Variants in FRMD5 observed in about 807,000 individuals in gnomAD.
The protein encoded by FRMD5 is FERM domain-containing protein 5.
In FRMD5, 20 loss-of-function variants were observed where a neutral mutation model predicts 69.0. That is an observed-to-expected ratio of 0.29 (90% CI 0.20 to 0.42). The LOEUF (loss-of-function observed/expected upper bound fraction) is 0.42. Among genes scored for constraint, FRMD5 ranks in the 10% least tolerant of loss-of-function variants. The probability of loss-of-function intolerance (pLI) is 1.00; values close to 1 mark genes in which losing one functional copy is unlikely to be tolerated. For missense variants in FRMD5, 595 were observed against 708.6 expected, an observed-to-expected ratio of 0.84 and a Z score of 1.82; for synonymous variants, 271 against 260.1, an observed-to-expected ratio of 1.04 and a Z score of -0.40.
chr15:44,050,347 A>G (rs1461226842), intron 1 of FRMD5, among the ~76,000 whole-genome samples: 1 of 152,038 alleles, frequency 6.6e-6, no homozygotes, highest in African/African-American at 2.4e-5. Context: ...TCTGATAACT[A>G]AAGAGTATTT....
Position 44,098,801 on chromosome 15 carries a change from C to G in FRMD5, c.102+96152G>C, listed in dbSNP as rs138790477. Among the ~76,000 whole-genome samples, 8 of 151,104 alleles carry G rather than the reference C, an allele frequency of 5.3e-5. No homozygotes were observed. In the East Asian group the frequency reaches 1.6e-3, roughly 30 times the overall value. On this transcript the variant is annotated intron_variant, in intron 1 of 13. Coordinates refer to ENST00000417257, the MANE Select transcript of FRMD5 (RefSeq NM_032892.5). ...AACTTCATATATTAGAATAATTAGA[C>G]AAAGTCACCTTTTTCCAACATCTAC... is the stretch of plus-strand genomic sequence containing the variant.
chr15:44,150,046 TGGAG>T (rs1345502527), intron 1 of FRMD5, among the ~76,000 whole-genome samples: 3 of 151,802 alleles, frequency 2.0e-5, no homozygotes, highest in African/African-American at 7.3e-5. Flanking sequence ...ACTAACAGAA[TGGAG>T]GAAGGAAAAA....
intron 13 of FRMD5, among the ~76,000 whole-genome samples, chr15:43,878,513 C>G (rs1291726971): frequency 2.0e-5 from 3 of 152,234 alleles, no homozygotes; most frequent in African/African-American, 7.2e-5. Flanking sequence ...TCTGATCTCT[C>G]TTCCACAGTA....
intron 1 of FRMD5, among the ~76,000 whole-genome samples, chr15:43,975,250 T>G (rs1007599834): frequency 2.0e-5 from 3 of 152,068 alleles, no homozygotes; most frequent in East Asian, 3.8e-4. Context: ...GTAGGAGAGA[T>G]AAAACTAACA....
upstream of FRMD5, among the ~76,000 whole-genome samples, chr15:44,196,079 C>A (rs1427439341): frequency 6.6e-6 from 1 of 152,070 alleles, no homozygotes; most frequent in African/African-American, 2.4e-5. Flanking sequence ...TCTTTGTCAC[C>A]CCAAATTTAC....
intron 1 of FRMD5, among the ~76,000 whole-genome samples, chr15:44,151,873 G>C (rs1337536043): frequency 6.6e-6 from 1 of 152,136 alleles, no homozygotes; most frequent in African/African-American, 2.4e-5. Context: ...GGAATATATA[G>C]TAAACTCCTA....
intron 1 of FRMD5, among the ~76,000 whole-genome samples, chr15:44,074,896 G>A (rs1339492047): frequency 1.3e-5 from 2 of 152,096 alleles, no homozygotes; most frequent in African/African-American, 4.8e-5. Flanking sequence ...GCATTTCTTA[G>A]GTCTGCATTT....
rs199670344 is a variant in FRMD5 at position 43,891,961 on chromosome 15, T to C, written c.728+20A>G. 1 of 1,604,664 alleles carries C rather than the reference T, an allele frequency of 6.2e-7. No individual in the cohort carries two copies. Among genetic ancestry groups the C allele is most frequent in the Non-Finnish European group, 8.5e-7 (1 of 1,171,446 alleles). On this transcript the variant is annotated intron_variant, in intron 8 of 13. Transcript: ENST00000417257. Reference sequence around the variant, plus strand: ...GTTGGTGAGATATAAAGAGCCTATTTTGGAAATGAAGATGCTCACCATTTA... The same window carrying C: ...GTTGGTGAGATATAAAGAGCCTATTCTGGAAATGAAGATGCTCACCATTTA...
At position 44,195,247 on chromosome 15, in the gene FRMD5, C is replaced by G. The variant is rs756311373; in HGVS notation, c.-193G>C. ...TCCCTCAGCCGCCACCGCCTCCCCC[C>G]AGCCCAGATCAAGCGCCGGGCTCTG... On this transcript the variant is annotated 5_prime_UTR_variant, in exon 1 of 14. Coordinates refer to ENST00000417257, the MANE Select transcript of FRMD5 (RefSeq NM_032892.5). The G allele has an allele frequency of 1.7e-5, 9 of 532,122 alleles. No homozygotes were observed. Among genetic ancestry groups the G allele is most frequent in the African/African-American group, 1.4e-4 (7 of 49,014 alleles). The allele number at this position is 532,122 out of a possible 1,614,324, so 33.0% of individuals were successfully genotyped here.
In FRMD5 at chr15:43,873,352, CAA is replaced by C; in HGVS notation, c.*531_*532del. 1.4e-6 allele frequency: 2 copies of C among 1,472,546 alleles called. No homozygotes were observed. The highest frequency in any genetic ancestry group is 1.8e-6 in the Non-Finnish European group (2 of 1,118,344). The allele number at this position is 1,472,546 out of a possible 1,614,324, so 91.2% of individuals were successfully genotyped here. A position where few individuals can be genotyped will look rare whatever the true frequency, so the allele number is the denominator to read the frequency against. Reference sequence around the variant, plus strand: ...AGTTCTGGCTGGCAAAAAAAACAAACAAAAAACTAAACAGTCCCCATTGTCCA... The same window carrying C: ...AGTTCTGGCTGGCAAAAAAAACAAACAAAACTAAACAGTCCCCATTGTCCA... On this transcript the variant is annotated 3_prime_UTR_variant, in exon 14 of 14. Transcript: ENST00000417257.
chr15:43,995,497 G>A (rs780450115), intron 1 of FRMD5, among the ~76,000 whole-genome samples: 3 of 151,778 alleles, frequency 2.0e-5, no homozygotes, highest in Non-Finnish European at 4.4e-5. Context: ...CACCAGGAGT[G>A]GTCCTGGAGA....
At chr15:44,129,174 C>T (rs1252405176) in intron 1 of FRMD5, among the ~76,000 whole-genome samples, 1 of 151,910 alleles carries the variant, frequency 6.6e-6, no homozygotes. Flanking sequence ...CTTATGATTC[C>T]CCAATCTAAA....
chr15:44,184,448 T>C (rs1233648892), intron 1 of FRMD5, among the ~76,000 whole-genome samples: 1 of 152,194 alleles, frequency 6.6e-6, no homozygotes, highest in African/African-American at 2.4e-5. Context: ...TAACTAAATA[T>C]ACAACACTCT....
At chr15:43,981,033 T>G (rs1275848085) in intron 1 of FRMD5, among the ~76,000 whole-genome samples, 2 of 152,196 alleles carry the variant, frequency 1.3e-5, no homozygotes, top group Admixed American at 1.3e-4. Flanking sequence ...ATACACATTT[T>G]GAGACAGAAT....
At chr15:44,197,073 C>T (rs762780769), upstream of FRMD5, among the ~76,000 whole-genome samples, 5 of 152,036 alleles carry the variant, frequency 3.3e-5, no homozygotes, top group South Asian at 4.2e-4. Flanking sequence ...TGGTGGCATG[C>T]GCCCGTGGTC....
At chr15:44,149,048 A>C (rs1453541254) in intron 1 of FRMD5, among the ~76,000 whole-genome samples, 1 of 152,184 alleles carries the variant, frequency 6.6e-6, no homozygotes, top group African/African-American at 2.4e-5. Context: ...ACATAATTTA[A>C]GAGACTCATG....
At chr15:44,103,712 C>T (rs928366613) in intron 1 of FRMD5, among the ~76,000 whole-genome samples, 1 of 152,152 alleles carries the variant, frequency 6.6e-6, no homozygotes, top group Non-Finnish European at 1.5e-5. Flanking sequence ...TCCTTCTTCC[C>T]CAGTCTTGGA....
upstream of FRMD5, among the ~76,000 whole-genome samples, chr15:44,197,041 G>T (rs2078314015): frequency 6.6e-6 from 1 of 152,058 alleles, no homozygotes; most frequent in Non-Finnish European, 1.5e-5. Context: ...GTGTTGAACT[G>T]AATACAAAAA....
chr15:43,898,446 A>C (rs1246939574), intron 7 of FRMD5, among the ~76,000 whole-genome samples: 2 of 152,242 alleles, frequency 1.3e-5, no homozygotes, highest in South Asian at 4.1e-4. Flanking sequence ...TCAATGAGAT[A>C]ATGTACAAAG....
Sources: gnomAD v4.1 joint callset for allele counts (sites outside exome capture counted in the v4.1 genomes callset) on GRCh38, gnomAD v4.1.1 for gene constraint, MANE v1.5 for transcripts, NCBI Gene and HGNC (gene_info 2026-07-23, HGNC 2026-07-21) for gene names.